TENM2: variants seen among roughly 807,000 people sequenced by gnomAD.
The protein encoded by TENM2 is teneurin transmembrane protein 2.
A neutral mutation model predicts 245.2 loss-of-function variants in TENM2; 52 were observed. That is an observed-to-expected ratio of 0.21 (90% confidence interval 0.17 to 0.27). TENM2 has a LOEUF of 0.27. Ranked by LOEUF, TENM2 falls within the 10% of genes least tolerant of loss-of-function variation. The pLI is 1.00. For synonymous variants in TENM2, 1,363 were observed against 1,438.9 expected, an observed-to-expected ratio of 0.95 and a Z score of 1.19; for missense variants, 3,046 against 3,666.8, an observed-to-expected ratio of 0.83 and a Z score of 4.37.
chr5:168,118,682 TG>T (rs1795263386), intron 10 of TENM2, among the ~76,000 whole-genome samples, 196 bp downstream of exon 12: 1 of 152,218 alleles, frequency 6.6e-6, no homozygotes, highest in South Asian at 2.1e-4. Flanking sequence ...GAGATGGTTC[TG>T]GAAGAAACGT....
At chr5:167,029,249 T>C in the TENM2 span, among the ~76,000 whole-genome samples, 1 of 152,196 alleles carries the variant, frequency 6.6e-6, no homozygotes, top group African/African-American at 2.4e-5. Flanking sequence ...GCTGAAGTAC[T>C]TTCTTCTTCC....
At chr5:167,101,849 T>TTATATATATATATATATATATATATA in the TENM2 span, among the ~76,000 whole-genome samples, 142 of 69,364 alleles carry the variant, frequency 2.0e-3, 5 homozygotes, top group East Asian at 3.0e-3. Flanking sequence ...ATATATATAT[T>TTATATATATATATATATATATATATA]TATATATATA....
chr5:168,079,413 G>A (rs1201324983), intron 7 of TENM2, among the ~76,000 whole-genome samples: 2 of 151,876 alleles, frequency 1.3e-5, no homozygotes, highest in African/African-American at 4.8e-5. Context: ...CTAATTGAAT[G>A]CCCTTTATTT....
intron 1 of TENM2, among the ~76,000 whole-genome samples, chr5:167,335,065 T>G (rs6886887): frequency 6.6e-6 from 1 of 151,812 alleles, no homozygotes. Context: ...TGAGATAAAG[T>G]AAGGAAAAGA....
intron 2 of TENM2, among the ~76,000 whole-genome samples, chr5:167,624,992 T>TA (rs1279248179): frequency 6.6e-6 from 1 of 152,148 alleles, no homozygotes; most frequent in African/African-American, 2.4e-5. Flanking sequence ...TTTAATCACC[T>TA]AGTTCTGAGT....
chr5:168,060,924 G>T (rs969446070), intron 6 of TENM2, among the ~76,000 whole-genome samples: 3 of 152,104 alleles, frequency 2.0e-5, no homozygotes, highest in Non-Finnish European at 4.4e-5. Flanking sequence ...GCAATATCTG[G>T]TGGCCAAATG....
chr5:167,089,892 G>T, the TENM2 span, among the ~76,000 whole-genome samples: 1 of 152,084 alleles, frequency 6.6e-6, no homozygotes, highest in Admixed American at 6.6e-5. Context: ...GAGGAAGGGG[G>T]TATCAGTTCT....
chr5:167,628,958 T>C (rs1360607148), intron 2 of TENM2, among the ~76,000 whole-genome samples: 1 of 152,166 alleles, frequency 6.6e-6, no homozygotes, highest in African/African-American at 2.4e-5. Context: ...TTGGCCACAG[T>C]CAAATCTGGA....
At chr5:168,182,943 G>A (rs1172442353) in intron 13 of TENM2, among the ~76,000 whole-genome samples, 5 of 148,558 alleles carry the variant, frequency 3.4e-5, no homozygotes, top group Non-Finnish European at 7.4e-5. Context: ...CGATTCTTCT[G>A]CCTCAGCCTC....
At chr5:166,997,960 G>A in the TENM2 span, among the ~76,000 whole-genome samples, 2 of 151,998 alleles carry the variant, frequency 1.3e-5, no homozygotes, top group African/African-American at 2.4e-5. Context: ...GGGAGTTTAT[G>A]TACTCCCTCT....
chr5:168,004,571 T>G (rs1581030229), intron 5 of TENM2, among the ~76,000 whole-genome samples: 1 of 150,284 alleles, frequency 6.7e-6, no homozygotes, highest in Non-Finnish European at 1.5e-5. Context: ...CTATCCCCGC[T>G]GACCCTGCTT....
chr5:167,739,036 A>G (rs1236981707), intron 2 of TENM2, among the ~76,000 whole-genome samples: 1 of 152,212 alleles, frequency 6.6e-6, no homozygotes, highest in Non-Finnish European at 1.5e-5. Context: ...GGATCATATT[A>G]AAGTGGATAA....
intron 2 of TENM2, among the ~76,000 whole-genome samples, chr5:167,834,325 A>AT (rs1768776648): frequency 1.3e-5 from 2 of 152,188 alleles, no homozygotes; most frequent in East Asian, 3.9e-4. Flanking sequence ...TTTTATGGGG[A>AT]TTTTTCCTAC....
At chr5:168,115,496 C>G (rs1263488151) in intron 9 of TENM2, among the ~76,000 whole-genome samples, 1 of 151,972 alleles carries the variant, frequency 6.6e-6, no homozygotes, top group Non-Finnish European at 1.5e-5. Context: ...TTGCACCTTA[C>G]TTTCTACCAT....
At chr5:167,311,753 T>A (rs890203014) in intron 1 of TENM2, among the ~76,000 whole-genome samples, 1 of 152,212 alleles carries the variant, frequency 6.6e-6, no homozygotes, top group African/African-American at 2.4e-5. Flanking sequence ...GTATAAATGT[T>A]TGGGGCATGC....
intron 2 of TENM2, among the ~76,000 whole-genome samples, chr5:167,813,967 A>T (rs999823374): frequency 1.3e-5 from 2 of 152,110 alleles, no homozygotes; most frequent in Admixed American, 1.3e-4. Context: ...TTCATCTACA[A>T]TGAAGGTAGC....
exon 12 of TENM2, chr5:168,126,785 C>T (rs775759576): frequency 3.6e-5 from 58 of 1,612,808 alleles, no homozygotes; most frequent in South Asian, 1.5e-4. Flanking sequence ...GCACTCACGG[C>T]GTCTGCATCG....
the TENM2 span, among the ~76,000 whole-genome samples, chr5:167,157,334 C>G: frequency 6.6e-6 from 1 of 152,148 alleles, no homozygotes; most frequent in Non-Finnish European, 1.5e-5. Flanking sequence ...TATTGATAAG[C>G]CCCTCATTAG....
At chr5:167,738,246 T>G (rs912871387) in intron 2 of TENM2, among the ~76,000 whole-genome samples, 2 of 152,156 alleles carry the variant, frequency 1.3e-5, no homozygotes, top group African/African-American at 4.8e-5. Context: ...ATTCTAATTG[T>G]TTATATAATA....
Sources: gnomAD v4.1 joint callset for allele counts (sites outside exome capture counted in the v4.1 genomes callset) on GRCh38, gnomAD v4.1.1 for gene constraint, MANE v1.5 for transcripts, NCBI Gene and HGNC (gene_info 2026-07-23, HGNC 2026-07-21) for gene names.